The following ZNG1A variants were observed in gnomAD, a reference collection of about 807,000 sequenced individuals.
ZNG1A encodes Zn regulated GTPase metalloprotein activator 1A, also known as zinc-regulated GTPase metalloprotein activator 1A.
the ZNG1A span, among the ~76,000 whole-genome samples, chr9:139,860 G>T: frequency 6.6e-6 from 1 of 151,442 alleles, no homozygotes; most frequent in Non-Finnish European, 1.5e-5. Flanking sequence ...GAAGCGCAGG[G>T]GGTCAGGGAG....
the ZNG1A span, among the ~76,000 whole-genome samples, chr9:164,883 C>T: frequency 1.4e-4 from 22 of 152,136 alleles, no homozygotes; most frequent in African/African-American, 2.9e-4. Context: ...AAGCATCACT[C>T]GGTGTCAACA....
the ZNG1A span, among the ~76,000 whole-genome samples, chr9:128,502 A>G: frequency 1.7e-4 from 25 of 148,532 alleles, no homozygotes; most frequent in African/African-American, 5.5e-4. Flanking sequence ...TTATATTTCT[A>G]TAAGTATGTC....
At chr9:129,405 C>T in the ZNG1A span, among the ~76,000 whole-genome samples, 59 of 151,014 alleles carry the variant, frequency 3.9e-4, no homozygotes, top group African/African-American at 1.5e-3. Flanking sequence ...GCAGTCAAGA[C>T]ACTAACAACC....
chr9:121,317 G>C, the ZNG1A span: 1 of 818,394 alleles, frequency 1.2e-6, no homozygotes, highest in Admixed American at 2.4e-5. Context: ...TTACAGTACT[G>C]ATTTGCTACA....
the ZNG1A span, among the ~76,000 whole-genome samples, chr9:144,640 G>A: frequency 6.6e-6 from 1 of 151,690 alleles, no homozygotes; most frequent in South Asian, 2.1e-4. Context: ...GCATGGGCAA[G>A]GACTTCATGT....
chr9:128,572 C>G, the ZNG1A span, among the ~76,000 whole-genome samples: 47 of 145,788 alleles, frequency 3.2e-4, no homozygotes, highest in Non-Finnish European at 5.1e-4. Flanking sequence ...TTGAATATTT[C>G]TCCCTTTACT....
the ZNG1A span, among the ~76,000 whole-genome samples, chr9:142,673 G>A: frequency 0.21 from 22,755 of 110,146 alleles, 2,365 homozygotes; most frequent in Middle Eastern, 0.23. Context: ...GCTAGCAGAA[G>A]GCAAGAAATA....
the ZNG1A span, among the ~76,000 whole-genome samples, chr9:128,435 C>T: frequency 6.6e-6 from 1 of 151,872 alleles, no homozygotes; most frequent in African/African-American, 2.4e-5. Flanking sequence ...TGTCTTCAGG[C>T]TCTGAATTTC....
chr9:135,138 C>G, the ZNG1A span: 5 of 1,465,656 alleles, frequency 3.4e-6, no homozygotes, highest in East Asian at 1.2e-4. Context: ...ACTGACTATT[C>G]TAATATTCTG....
chr9:130,114 T>C, the ZNG1A span, among the ~76,000 whole-genome samples: 71,842 of 150,168 alleles, frequency 0.48, 18,554 homozygotes, highest in Non-Finnish European at 0.55. Context: ...AACGCTGTTA[T>C]GCGGTGCATG....
the ZNG1A span, among the ~76,000 whole-genome samples, chr9:175,251 G>A: frequency 0.012 from 1,789 of 151,952 alleles, 38 homozygotes; most frequent in African/African-American, 0.04. Flanking sequence ...GGTGGCGCAC[G>A]CCTGTAGTCC....
the ZNG1A span, among the ~76,000 whole-genome samples, chr9:163,345 T>C: frequency 4.6e-5 from 7 of 151,294 alleles, no homozygotes; most frequent in African/African-American, 1.7e-4. Flanking sequence ...GCCTGGAGGA[T>C]TAAAATAAAA....
At chr9:168,706 G>C in the ZNG1A span, among the ~76,000 whole-genome samples, 1 of 147,244 alleles carries the variant, frequency 6.8e-6, no homozygotes, top group Non-Finnish European at 1.5e-5. Flanking sequence ...GTGACTTCAA[G>C]TTGAAGCCAA....
the ZNG1A span, chr9:150,605 G>A: frequency 1.0e-6 from 1 of 984,048 alleles, no homozygotes; most frequent in Non-Finnish European, 1.2e-6. Flanking sequence ...ATTTCAGAAA[G>A]TCCCTAGATT....
the ZNG1A span, among the ~76,000 whole-genome samples, chr9:160,485 C>T: frequency 6.6e-6 from 1 of 151,800 alleles, no homozygotes; most frequent in African/African-American, 2.4e-5. Context: ...TTTCCATTAT[C>T]CTGACAGTGT....
the ZNG1A span, among the ~76,000 whole-genome samples, chr9:137,556 A>G: frequency 5.9e-5 from 9 of 152,124 alleles, no homozygotes; most frequent in Non-Finnish European, 2.9e-5. Flanking sequence ...CAGCACTGAT[A>G]GTCAAATGAA....
the ZNG1A span, among the ~76,000 whole-genome samples, chr9:178,166 GA>G: frequency 6.6e-6 from 1 of 150,404 alleles, no homozygotes; most frequent in East Asian, 2.0e-4. Flanking sequence ...CGCCCTTCAC[GA>G]AACTACCAAG....
chr9:169,854 CTT>C, the ZNG1A span, among the ~76,000 whole-genome samples: 19,613 of 53,974 alleles, frequency 0.36, 825 homozygotes, highest in Middle Eastern at 0.4. Flanking sequence ...ATAAACACAG[CTT>C]TTTTTTTTTT....
the ZNG1A span, chr9:171,943 T>G: frequency 7.7e-7 from 1 of 1,299,484 alleles, no homozygotes; most frequent in South Asian, 1.3e-5. Flanking sequence ...CCGAGTACTT[T>G]TCCTCTTTTA....
Sources: allele counts gnomAD v4.1 joint callset (sites outside exome capture counted in the v4.1 genomes callset), GRCh38; gene constraint gnomAD v4.1.1; transcripts MANE v1.5; gene names NCBI Gene and HGNC (gene_info 2026-07-23, HGNC 2026-07-21).